Variants in ARHGAP40 observed in about 807,000 individuals in gnomAD.
The protein encoded by ARHGAP40 is Rho GTPase activating protein 40, also known as rho GTPase-activating protein 40.
Under a neutral mutation model 73.5 loss-of-function variants are expected in ARHGAP40, and 43 were observed. The observed-to-expected ratio is 0.58, with a 90% confidence interval of 0.46 to 0.75. The LOEUF is 0.75. Among genes scored for constraint, ARHGAP40 ranks in the 30% least tolerant of loss-of-function variants. The probability of loss-of-function intolerance (pLI) is 0.00; values close to 1 mark genes in which losing one functional copy is unlikely to be tolerated. For synonymous variants in ARHGAP40, 300 were observed against 352.8 expected (o/e 0.85, Z 1.68); for missense variants, 734 against 861.8 (o/e 0.85, Z 1.86).
Position 38,646,365 on chromosome 20 carries a change from G to C in ARHGAP40, c.1710+178G>C, listed in dbSNP as rs1255614191. The stretch of plus-strand genomic sequence containing the variant: ...GAGCGAGGAGGCGTGGCTGCGAAAC[G>C]AGGGCTTAGAAGCGGGTTGGGGAGG... On this transcript the variant is annotated intron_variant, in intron 12 of 14. Coordinates refer to ENST00000373345, the Ensembl canonical transcript of ARHGAP40. The surrounding 1 kb of genome is among the most constrained non-coding windows in gnomAD (Gnocchi z 4.5). Among the ~76,000 whole-genome samples the C allele has an allele frequency of 6.6e-6, 1 of 152,220 alleles. No homozygotes were observed. Among genetic ancestry groups the C allele is most frequent in the Non-Finnish European group, 1.5e-5 (1 of 68,030 alleles).
rs953982781 is a variant in ARHGAP40, at chr20:38,646,233, A to C, written c.1710+46A>C. 1 of 1,257,198 alleles carries C rather than the reference A, an allele frequency of 8.0e-7. No homozygotes were observed. Among genetic ancestry groups the C allele is most frequent in the East Asian group, 6.0e-5 (1 of 16,596 alleles). 77.9% of individuals were successfully genotyped at this position (1,257,198 alleles called of 1,614,324 possible). A position where few individuals can be genotyped will look rare whatever the true frequency, so the allele number is the denominator to read the frequency against. On this transcript the variant is annotated intron_variant, in intron 12 of 14. Transcript: ENST00000373345. The surrounding 1 kb of genome is among the most constrained non-coding windows in gnomAD (Gnocchi z 4.5). ...ACAGGTGGAGAAGGGCCGAGGCGAC[A>C]GGAGGGCACCTGGGGCGCGGTGCTT...
intron 1 of ARHGAP40, among the ~76,000 whole-genome samples, chr20:38,605,274 G>A (rs1365837263): frequency 2.0e-5 from 3 of 152,170 alleles, no homozygotes; most frequent in Non-Finnish European, 2.9e-5. Flanking sequence ...ATGGATATGA[G>A]GGTGTGGGCA....
chr20:38,640,330 C>CTT (rs1293116745), intron 9 of ARHGAP40, among the ~76,000 whole-genome samples: 6 of 151,560 alleles, frequency 4.0e-5, no homozygotes. Context: ...GATTCTCCTG[C>CTT]CTCAGCCTCC....
chr20:38,613,542 C>T (rs1337389090), intron 1 of ARHGAP40, among the ~76,000 whole-genome samples: 3 of 152,140 alleles, frequency 2.0e-5, no homozygotes, highest in Non-Finnish European at 2.9e-5. Context: ...GCAAAGCTTA[C>T]TGGGAGATTC....
intron 1 of ARHGAP40, among the ~76,000 whole-genome samples, chr20:38,610,454 G>C (rs1240150521): frequency 3.9e-5 from 6 of 152,308 alleles, no homozygotes; most frequent in Admixed American, 3.9e-4. Flanking sequence ...CAATGTAAGA[G>C]ACCCTGGCCT....
intron 1 of ARHGAP40, among the ~76,000 whole-genome samples, chr20:38,621,638 G>A (rs1468724941): frequency 6.6e-6 from 1 of 152,206 alleles, no homozygotes; most frequent in Non-Finnish European, 1.5e-5. Context: ...CAAAGTGTTA[G>A]CATGGAAAAC....
chr20:38,601,823 G>T, exon 1 of ARHGAP40: 2 of 1,178,714 alleles, frequency 1.7e-6, no homozygotes, highest in Non-Finnish European at 2.2e-6. Flanking sequence ...CTGCATGAGG[G>T]TGTCTGGGAA....
intron 6 of ARHGAP40, among the ~76,000 whole-genome samples, chr20:38,635,268 T>C (rs2145609179): frequency 6.6e-6 from 1 of 152,262 alleles, no homozygotes; most frequent in African/African-American, 2.4e-5. Context: ...ATTTGTGAAA[T>C]AGAGTAAAAT....
At chr20:38,627,691 G>A (rs533624000) in intron 3 of ARHGAP40, among the ~76,000 whole-genome samples, 13 of 145,060 alleles carry the variant, frequency 9.0e-5, no homozygotes, top group African/African-American at 1.5e-4. Context: ...TGTTGTGTGT[G>A]TGTTGGTGTG....
chr20:38,636,462 T>C (rs1182700485), intron 6 of ARHGAP40, among the ~76,000 whole-genome samples: 3 of 151,922 alleles, frequency 2.0e-5, no homozygotes, highest in Non-Finnish European at 4.4e-5. Context: ...GCAGTATTTT[T>C]ATGTTGCCCA....
At chr20:38,644,405 C>T (rs1171666368) in intron 11 of ARHGAP40, among the ~76,000 whole-genome samples, 1 of 152,116 alleles carries the variant, frequency 6.6e-6, no homozygotes, top group African/African-American at 2.4e-5. Context: ...GTGCCCCTAG[C>T]ACTGAGACCC....
intron 1 of ARHGAP40, among the ~76,000 whole-genome samples, chr20:38,605,747 G>A (rs567180429): frequency 7.2e-5 from 11 of 152,262 alleles, no homozygotes; most frequent in South Asian, 2.1e-4. Context: ...ACATGTATAC[G>A]TAAAATGTAT....
intron 5 of ARHGAP40, 100 bp downstream of exon 5, chr20:38,629,750 A>C: frequency 8.5e-7 from 1 of 1,173,884 alleles, no homozygotes; most frequent in Non-Finnish European, 1.1e-6. Context: ...CATCCAGCAC[A>C]AAAGTTGTTA....
chr20:38,639,495 C>G (rs1464759349), intron 9 of ARHGAP40, 109 bp downstream of exon 9: 1 of 1,190,598 alleles, frequency 8.4e-7, no homozygotes, highest in Non-Finnish European at 1.1e-6. Flanking sequence ...CTGGAAATGT[C>G]TGTTCCAGAA....
chr20:38,619,243 TC>T (rs1000059092), intron 1 of ARHGAP40, among the ~76,000 whole-genome samples: 1 of 151,980 alleles, frequency 6.6e-6, no homozygotes, highest in African/African-American at 2.4e-5. Flanking sequence ...ATCCTCAGGG[TC>T]CTGGGATACC....
chr20:38,628,307 T>C (rs893514619), intron 3 of ARHGAP40, among the ~76,000 whole-genome samples: 4 of 140,826 alleles, frequency 2.8e-5, no homozygotes, highest in African/African-American at 5.2e-5. Context: ...CAGTACAAAA[T>C]CCTTTTTTTT....
intron 1 of ARHGAP40, among the ~76,000 whole-genome samples, chr20:38,621,580 G>A (rs2088873895): frequency 6.6e-6 from 1 of 152,182 alleles, no homozygotes; most frequent in Non-Finnish European, 1.5e-5. Context: ...GAGAGTGCCT[G>A]CCTTTAGGTT....
chr20:38,633,701 C>T (rs1271529314), intron 5 of ARHGAP40, among the ~76,000 whole-genome samples: 1 of 152,224 alleles, frequency 6.6e-6, no homozygotes, highest in Non-Finnish European at 1.5e-5. Context: ...GGAAGTGGTC[C>T]AGCCACGCCC....
intron 9 of ARHGAP40, among the ~76,000 whole-genome samples, 200 bp from the exon 10 acceptor site, chr20:38,641,526 C>T (rs1306099907): frequency 1.3e-5 from 2 of 152,154 alleles, no homozygotes; most frequent in African/African-American, 2.4e-5. Flanking sequence ...CAAAGTATAG[C>T]GAGTGAACCT....
Sources: gnomAD v4.1 joint callset for allele counts (sites outside exome capture counted in the v4.1 genomes callset) on GRCh38, gnomAD v4.1.1 for gene constraint, Gnocchi (gnomAD v3.1) non-coding constraint, MANE v1.5 for transcripts, NCBI Gene and HGNC (gene_info 2026-07-23, HGNC 2026-07-21) for gene names.